TRIM67: variants seen among roughly 807,000 people sequenced by gnomAD.
The protein encoded by TRIM67 is tripartite motif containing 67, also known as tripartite motif-containing protein 67.
Under a neutral mutation model 71.0 loss-of-function variants are expected in TRIM67, and 39 were observed. That is an observed-to-expected ratio of 0.55 (90% confidence interval 0.43 to 0.72). TRIM67 has a LOEUF of 0.72. Among genes scored for constraint, TRIM67 ranks in the 30% least tolerant of loss-of-function variants. The pLI, the probability that TRIM67 is intolerant of heterozygous loss-of-function variation, is 0.00. For synonymous variants in TRIM67, 481 were observed against 473.9 expected (o/e 1.01, Z -0.19); for missense variants, 973 against 1,079.2 (o/e 0.90, Z 1.38).
chr1:231,179,536 T>C (rs1435052543), intron 1 of TRIM67, among the ~76,000 whole-genome samples: 1 of 152,202 alleles, frequency 6.6e-6, no homozygotes, highest in African/African-American at 2.4e-5. Context: ...CGTTAACCCA[T>C]TTATGCCTGA....
Position 231,217,992 on chromosome 1 carries a change from A to C in TRIM67, c.*2552A>C. 5 of 1,219,364 alleles carry C rather than the reference A, an allele frequency of 4.1e-6. No homozygotes were observed. The highest frequency in any genetic ancestry group is 5.2e-6 in the Non-Finnish European group (5 of 956,182). 75.5% of individuals were successfully genotyped at this position (1,219,364 alleles called of 1,614,324 possible). ...TTTTCTGACTCCTCCAGGAGCCCAG[A>C]AGCAATACGGCCGATGCCAGGGACA... On this transcript the variant is annotated 3_prime_UTR_variant, in exon 10 of 10. Transcript: ENST00000366653.
Position 231,163,218 on chromosome 1 carries a change from T to C in TRIM67, c.249T>C (p.Ser83=), listed in dbSNP as rs1682341559. 2 of 1,489,984 alleles carry C rather than the reference T, an allele frequency of 1.3e-6. No homozygotes were observed. The highest frequency in any genetic ancestry group is 8.9e-7 in the Non-Finnish European group (1 of 1,121,042). 92.3% of individuals were successfully genotyped at this position (1,489,984 alleles called of 1,614,324 possible). A position where few individuals can be genotyped will look rare whatever the true frequency, so the allele number is the denominator to read the frequency against. ...AGPACGGAGG[S]AAGGLGGGAG... ...CGGCCTGCGGCGGTGCAGGCGGGAGTGCAGCTGGCGGCCTCGGCGGCGGTG... is the reference window on the plus strand; with the variant it reads ...CGGCCTGCGGCGGTGCAGGCGGGAGCGCAGCTGGCGGCCTCGGCGGCGGTG... Residue 83 remains serine (S), a synonymous_variant, in exon 1 of 10, where the codon AGT becomes AGC. Coordinates refer to ENST00000366653, the MANE Select transcript of TRIM67 (RefSeq NM_001004342.5).
rs1253305550 is a variant in TRIM67 at position 231,163,438 on chromosome 1, A to C, written c.469A>C (p.Ile157Leu). ...CTCGCTGTCCTCGTCTTCGAGCTCC[A>C]TCACGTGCCCGCAGTGCCACCGCAG... ...CSSLSSSSSS[I>L]TCPQCHRSAS... Residue 157 changes from isoleucine to leucine, a missense_variant, in exon 1 of 10, where the codon ATC (isoleucine) becomes CTC (leucine). Physicochemically the swap from Ile to Leu is conservative, Grantham distance 5. Transcript: ENST00000366653. The C allele has an allele frequency of 6.5e-7, 1 of 1,540,342 alleles. No homozygotes were observed. Among genetic ancestry groups the C allele is most frequent in the African/African-American group, 1.4e-5 (1 of 71,344 alleles).
Position 231,216,048 on chromosome 1 carries a change from T to C in TRIM67, c.*608T>C, listed in dbSNP as rs1482644057. ...CATTCATGCTTGACTTTTGCCTCTC[T>C]CACTGAAGTGTTAGAACCTTTTAAA... On this transcript the variant is annotated 3_prime_UTR_variant, in exon 10 of 10. Transcript: ENST00000366653. 2 of 985,380 alleles carry C rather than the reference T, an allele frequency of 2.0e-6. No homozygotes were observed. The highest frequency in any genetic ancestry group is 3.5e-5 in the African/African-American group (2 of 57,246). The allele number at this position is 985,380 out of a possible 1,614,324, so 61.0% of individuals were successfully genotyped here.
At position 231,219,926 on chromosome 1, in the gene TRIM67, C is replaced by G. The variant is rs969234117; in HGVS notation, c.*4486C>G. 7.8e-7 allele frequency: 1 copy of G among 1,289,876 alleles called. No homozygotes were observed. The highest frequency in any genetic ancestry group is 2.3e-5 in the Admixed American group (1 of 43,544). The allele number at this position is 1,289,876 out of a possible 1,614,324, so 79.9% of individuals were successfully genotyped here. A position where few individuals can be genotyped will look rare whatever the true frequency, so the allele number is the denominator to read the frequency against. The stretch of plus-strand genomic sequence containing the variant: ...GGATGTATTGATCAGACACCAAGTT[C>G]AGCCCTCGGTTACTTCCCTCTTTTA... On this transcript the variant is annotated 3_prime_UTR_variant, in exon 10 of 10. Coordinates refer to ENST00000366653, the MANE Select transcript of TRIM67 (RefSeq NM_001004342.5).
rs534899841 is a variant in TRIM67, at chr1:231,192,206, C to CTG, written c.1045-5164_1045-5163insGT. 9.6e-4 allele frequency among the ~76,000 whole-genome samples: 144 copies of CTG among 150,742 alleles called. 1 individual carries two copies. Among genetic ancestry groups the CTG allele is most frequent in the African/African-American group, 3.5e-3 (143 of 40,804 alleles). On this transcript the variant is annotated intron_variant, in intron 1 of 9. Transcript: ENST00000366653. The stretch of plus-strand genomic sequence containing the variant: ...TGTCTCTCTCTCACTCTCCCTGTCT[C>CTG]TCTCTCTCTCTCTCTGTCTTTGATA...
At chr1:231,202,109 G>GTGGTGGCAGAGGAGGAGGAGGTA (rs1683551969) in intron 5 of TRIM67, among the ~76,000 whole-genome samples, 1 of 93,608 alleles carries the variant, frequency 1.1e-5, no homozygotes. Flanking sequence ...AGGAGGAGGA[G>GTGGTGGCAGAGGAGGAGGAGGTA]GAGGTAATGG....
chr1:231,191,165 G>A lies in TRIM67; in HGVS notation c.1045-6206G>A, dbSNP rs543129549. Among the ~76,000 whole-genome samples the A allele has an allele frequency of 3.3e-5, 5 of 152,318 alleles. No individual in the cohort carries two copies. In the South Asian group the frequency reaches 1.0e-3, roughly 32 times the overall value. ...TGCAGCCTCAAACTTCTGAGCTCAA[G>A]CAATCCTTCCACCTCAGCCTCCTGA... On this transcript the variant is annotated intron_variant, in intron 1 of 9. Coordinates refer to ENST00000366653, the MANE Select transcript of TRIM67 (RefSeq NM_001004342.5).
chr1:231,186,099 A>G (rs892427267), intron 1 of TRIM67: 1 of 1,533,216 alleles, frequency 6.5e-7, no homozygotes. Flanking sequence ...GGCGGCTGGC[A>G]GTCGCTTGCT....
At position 231,162,798 on chromosome 1, in the gene TRIM67, T is replaced by A. The variant is rs770767375; in HGVS notation, c.-172T>A. The A allele has an allele frequency of 1.4e-4, 110 of 784,138 alleles. No individual in the cohort carries two copies. Among genetic ancestry groups the A allele is most frequent in the Non-Finnish European group, 2.0e-4 (104 of 514,576 alleles). 48.6% of individuals were successfully genotyped at this position (784,138 alleles called of 1,614,324 possible). A position where few individuals can be genotyped will look rare whatever the true frequency, so the allele number is the denominator to read the frequency against. ...TCGCCCCTCAATCATCTTAGGGCGG[T>A]GGCTACAGGACAGAGAGAGGGGCGT... is the stretch of plus-strand genomic sequence containing the variant. On this transcript the variant is annotated 5_prime_UTR_variant, in exon 1 of 10. Transcript: ENST00000366653.
rs764465206 is a variant in TRIM67 at position 231,213,817 on chromosome 1, C to A, written c.2126C>A (p.Thr709Lys). The change falls in exon 9 of 10, where the codon ACG (threonine) becomes AAG (lysine). Residue 709 changes from threonine (T) to lysine (K), a missense_variant and splice_region_variant. By Grantham distance (78) the Thr-to-Lys change is moderately conservative. Transcript: ENST00000366653. The stretch of plus-strand genomic sequence containing the variant: ...CTTCCTGGGGACTCTCTTCCCAGGA[C>A]GGAAGGTGGCGTGTGCAAGGGGGCC... ...FMHCNSHTNR[T>K]EGGVCKGATV... The A allele has an allele frequency of 2.5e-6, 4 of 1,590,304 alleles. No homozygotes were observed. The highest frequency in any genetic ancestry group is 3.4e-5 in the Admixed American group (2 of 58,112).
Position 231,220,282 on chromosome 1 carries a change from G to T in TRIM67, c.*4842G>T, listed in dbSNP as rs553142623. 1.2e-5 allele frequency: 3 copies of T among 259,092 alleles called. No homozygotes were observed. Among genetic ancestry groups the T allele is most frequent in the South Asian group, 4.2e-5 (1 of 23,854 alleles). The allele number at this position is 259,092 out of a possible 1,614,324, so 16.0% of individuals were successfully genotyped here. A position where few individuals can be genotyped will look rare whatever the true frequency, so the allele number is the denominator to read the frequency against. On this transcript the variant is annotated 3_prime_UTR_variant, in exon 10 of 10. Transcript: ENST00000366653. The stretch of plus-strand genomic sequence containing the variant: ...TAGACCTTTAAGACAGGTTTCCTAT[G>T]ACCATAGAAAGTAACACCCCATATG...
chr1:231,184,509 G>A (rs995250725), intron 1 of TRIM67: 1 of 156,696 alleles, frequency 6.4e-6, no homozygotes, highest in Admixed American at 6.1e-5. Context: ...AGCCCCTCAG[G>A]ATCCATCTCG....
At chr1:231,195,337 G>T (rs1683338219) in intron 1 of TRIM67, among the ~76,000 whole-genome samples, 1 of 152,210 alleles carries the variant, frequency 6.6e-6, no homozygotes, top group South Asian at 2.1e-4. Context: ...TACTTCAAGT[G>T]CTCAGTACCC....
chr1:231,183,246 G>A (rs1400157564), intron 1 of TRIM67, among the ~76,000 whole-genome samples: 1 of 152,136 alleles, frequency 6.6e-6, no homozygotes, highest in African/African-American at 2.4e-5. Context: ...AAATCTGCTA[G>A]AGTCCTTTGC....
intron 2 of TRIM67, among the ~76,000 whole-genome samples, chr1:231,197,943 T>C (rs915554871): frequency 6.6e-6 from 1 of 152,362 alleles, no homozygotes; most frequent in Non-Finnish European, 1.5e-5. Context: ...AGAAGGTTTA[T>C]GTGTCCTACC....
chr1:231,190,400 G>A (rs1683199792), intron 1 of TRIM67, among the ~76,000 whole-genome samples: 1 of 152,196 alleles, frequency 6.6e-6, no homozygotes, highest in African/African-American at 2.4e-5. Context: ...AGGGACAGGA[G>A]CTGATCTTCT....
rs1392418410 is a variant in TRIM67 at position 231,206,771 on chromosome 1, C to T, written c.1800C>T (p.Val600=). 1.4e-5 allele frequency: 22 copies of T among 1,604,064 alleles called. No individual in the cohort carries two copies. Among genetic ancestry groups the T allele is most frequent in the African/African-American group, 4.0e-5 (3 of 74,420 alleles). ...GTGTCGGGCCTTACAGTAAAACTGT[C>T]GTCCTGCAGACATCCGATGGTGAGC... ...SSGVGPYSKT[V]VLQTSDVAWF... Residue 600 remains valine, a synonymous_variant, in exon 7 of 10, where the codon GTC becomes GTT. Coordinates refer to ENST00000366653, the MANE Select transcript of TRIM67 (RefSeq NM_001004342.5).
chr1:231,209,234 A>C lies in TRIM67; in HGVS notation c.2107A>C (p.Asn703His), dbSNP rs1418593402. ...DNNRSWFMHCNSHTNRTEGGV... is the reference protein window; with the variant it reads ...DNNRSWFMHCHSHTNRTEGGV... ...CAACCGCAGCTGGTTCATGCACTGC[A>C]ACTCCCACACCAACAGGTGCGATTG... Residue 703 changes from asparagine (N) to histidine (H), a missense_variant, in exon 8 of 10, where the codon AAC becomes CAC. By Grantham distance (68) the Asn-to-His change is moderately conservative (BLOSUM62 1). This residue lies in a region of TRIM67 where 178 missense variants were observed against 247.9 expected (regional missense o/e 0.72). Coordinates refer to ENST00000366653, the MANE Select transcript of TRIM67 (RefSeq NM_001004342.5). The surrounding 1 kb of genome is among the most constrained non-coding windows in gnomAD (Gnocchi z 4.1). The C allele has an allele frequency of 6.4e-7, 1 of 1,558,844 alleles. No individual in the cohort carries two copies. Among genetic ancestry groups the C allele is most frequent in the Non-Finnish European group, 8.7e-7 (1 of 1,147,132 alleles).
Sources: gnomAD v4.1 joint callset for allele counts (sites outside exome capture counted in the v4.1 genomes callset) on GRCh38, gnomAD v4.1.1 for gene constraint, gnomAD v4.1.1 regional missense constraint, Gnocchi (gnomAD v3.1) non-coding constraint, MANE v1.5 for transcripts, NCBI Gene and HGNC (gene_info 2026-07-23, HGNC 2026-07-21) for gene names.